TMEM272: variants seen among roughly 807,000 people sequenced by gnomAD.
The protein encoded by TMEM272 is long intergenic non-protein coding RNA 282.
In TMEM272, 8 loss-of-function variants were observed where a neutral mutation model predicts 3.7. The observed-to-expected ratio is 2.17, with a 90% CI of 1.27 to 3.91. The LOEUF is 3.91. TMEM272 is among the 30% of genes most tolerant of loss of function. TMEM272 has a pLI of 0.00. For missense variants in TMEM272, 166 were observed against 91.5 expected, an observed-to-expected ratio of 1.81 and a Z score of -3.32; for synonymous variants, 63 against 39.8, an observed-to-expected ratio of 1.58 and a Z score of -2.20.
the TMEM272 span, among the ~76,000 whole-genome samples, chr13:51,930,759 A>G: frequency 6.6e-6 from 1 of 151,874 alleles, no homozygotes; most frequent in Non-Finnish European, 1.5e-5. Context: ...AGCAAAAAAA[A>G]AAAACCCCTG....
the TMEM272 span, among the ~76,000 whole-genome samples, chr13:51,925,578 A>G: frequency 6.6e-6 from 1 of 152,142 alleles, no homozygotes; most frequent in Non-Finnish European, 1.5e-5. Context: ...CATCCCAGAC[A>G]GCCCCTCAGT....
At chr13:51,860,534 G>A in the TMEM272 span, among the ~76,000 whole-genome samples, 1 of 150,702 alleles carries the variant, frequency 6.6e-6, no homozygotes. Context: ...AGCTACTTGA[G>A]AGGCTGAGGT....
At chr13:51,901,875 T>A in the TMEM272 span, among the ~76,000 whole-genome samples, 1 of 152,188 alleles carries the variant, frequency 6.6e-6, no homozygotes, top group East Asian at 1.9e-4. Flanking sequence ...TCCAAATTTG[T>A]GCAGAAAATC....
chr13:51,909,118 G>A, the TMEM272 span: 1 of 1,455,708 alleles, frequency 6.9e-7, no homozygotes. Flanking sequence ...GGAACATCAA[G>A]TGCATAAGGA....
At chr13:51,893,557 A>G in the TMEM272 span, among the ~76,000 whole-genome samples, 9 of 152,000 alleles carry the variant, frequency 5.9e-5, no homozygotes, top group South Asian at 2.1e-4. Flanking sequence ...CCCCAAAACA[A>G]TGTTTACTTT....
At chr13:51,873,884 T>C in the TMEM272 span, among the ~76,000 whole-genome samples, 1 of 152,216 alleles carries the variant, frequency 6.6e-6, no homozygotes, top group Admixed American at 6.5e-5. Flanking sequence ...AAAGGCTTTG[T>C]GGCTGCCCAG....
the TMEM272 span, among the ~76,000 whole-genome samples, chr13:51,886,038 G>C: frequency 6.6e-6 from 1 of 152,170 alleles, no homozygotes; most frequent in African/African-American, 2.4e-5. Context: ...TCTTCAGAAG[G>C]CTTTCTTCCA....
At chr13:51,866,648 A>T in the TMEM272 span, among the ~76,000 whole-genome samples, 1 of 152,196 alleles carries the variant, frequency 6.6e-6, no homozygotes, top group Middle Eastern at 3.2e-3. Flanking sequence ...ACTCACTGGT[A>T]GTTCCGAGTT....
At chr13:51,850,622 T>G in the TMEM272 span, among the ~76,000 whole-genome samples, 1 of 152,228 alleles carries the variant, frequency 6.6e-6, no homozygotes, top group African/African-American at 2.4e-5. Context: ...ATTGCTTCTG[T>G]GATATTGTTG....
chr13:51,867,245 T>C, the TMEM272 span, among the ~76,000 whole-genome samples: 3 of 152,028 alleles, frequency 2.0e-5, no homozygotes, highest in Non-Finnish European at 2.9e-5. Flanking sequence ...GCAGGGAAGG[T>C]GCATAAACCC....
At position 51,838,548 on chromosome 13, in the gene TMEM272, A is replaced by C; in HGVS notation, c.-18T>G. 1.4e-6 allele frequency: 1 copy of C among 703,052 alleles called. No individual in the cohort carries two copies. Among genetic ancestry groups the C allele is most frequent in the East Asian group, 2.7e-5 (1 of 37,292 alleles). The allele number at this position is 703,052 out of a possible 1,614,324, so 43.6% of individuals were successfully genotyped here. On this transcript the variant is annotated 5_prime_UTR_variant, in exon 2 of 5. Transcript: ENST00000629372. ...CCTGGCATTGTTCTTGCTCGCTGACAAAGTTCTGAGGATCAAAAATAATTC... is the reference window on the plus strand; with the variant it reads ...CCTGGCATTGTTCTTGCTCGCTGACCAAGTTCTGAGGATCAAAAATAATTC...
At chr13:51,873,364 C>T in the TMEM272 span, among the ~76,000 whole-genome samples, 2 of 152,146 alleles carry the variant, frequency 1.3e-5, no homozygotes, top group Non-Finnish European at 2.9e-5. Context: ...GTGATCCACC[C>T]AAGTTACAAT....
chr13:51,873,325 G>T, the TMEM272 span, among the ~76,000 whole-genome samples: 2 of 152,190 alleles, frequency 1.3e-5, no homozygotes, highest in African/African-American at 4.8e-5. Context: ...CATTTATGTA[G>T]TTATGTAAAA....
the TMEM272 span, among the ~76,000 whole-genome samples, chr13:51,889,632 GT>G: frequency 7.6e-3 from 1,136 of 149,842 alleles, 14 homozygotes; most frequent in African/African-American, 0.027. Flanking sequence ...TTTTGTGTGT[GT>G]GTGGGGGGGT....
At chr13:51,929,195 C>CA in the TMEM272 span, among the ~76,000 whole-genome samples, 43 of 143,170 alleles carry the variant, frequency 3.0e-4, no homozygotes, top group East Asian at 2.0e-3. Context: ...GACTCCATCT[C>CA]AAAAAAAAAA....
chr13:51,858,092 AG>A, the TMEM272 span, among the ~76,000 whole-genome samples: 26 of 152,364 alleles, frequency 1.7e-4, no homozygotes, highest in Admixed American at 1.6e-3. Flanking sequence ...CTAATAATAT[AG>A]CCTCAAAGTA....
the TMEM272 span, among the ~76,000 whole-genome samples, chr13:51,872,040 C>T: frequency 1.3e-5 from 2 of 152,266 alleles, no homozygotes; most frequent in Non-Finnish European, 2.9e-5. Context: ...ACTGTTTTAT[C>T]GCTCCTCTCT....
chr13:51,824,088 G>A (rs1276731428), intron 3 of TMEM272, among the ~76,000 whole-genome samples: 1 of 152,210 alleles, frequency 6.6e-6, no homozygotes, highest in Non-Finnish European at 1.5e-5. Flanking sequence ...TTGAGTAATG[G>A]CTTAGATATC....
In TMEM272 at chr13:51,814,899, T is replaced by G. The variant is rs903822230; in HGVS notation, c.*1852A>C. 6.5e-6 allele frequency: 1 copy of G among 152,738 alleles called. No individual in the cohort carries two copies. The highest frequency in any genetic ancestry group is 1.5e-5 in the Non-Finnish European group (1 of 68,132). 9.5% of individuals were successfully genotyped at this position (152,738 alleles called of 1,614,324 possible). A position where few individuals can be genotyped will look rare whatever the true frequency, so the allele number is the denominator to read the frequency against. On this transcript the variant is annotated 3_prime_UTR_variant, in exon 5 of 5. Transcript: ENST00000629372. ...ATGCCCATGGTTGTTCACAGCTCTT[T>G]CCGCCTTTGCCAAGGCCCTCGCAAC... is the stretch of plus-strand genomic sequence containing the variant.
Sources: gnomAD v4.1 joint callset for allele counts (sites outside exome capture counted in the v4.1 genomes callset) on GRCh38, gnomAD v4.1.1 for gene constraint, MANE v1.5 for transcripts, NCBI Gene and HGNC (gene_info 2026-07-23, HGNC 2026-07-21) for gene names.